The following ST6GAL1 variants were observed in gnomAD, a reference collection of about 807,000 sequenced individuals.
ST6GAL1 encodes the protein beta-galactoside alpha-2,6-sialyltransferase 1.
ST6GAL1 carries 20 observed loss-of-function variants against 38.0 expected under a neutral mutation model. That is an observed-to-expected ratio of 0.53 (90% CI 0.37 to 0.77). The LOEUF (loss-of-function observed/expected upper bound fraction) is 0.77, where lower values mean the gene tolerates loss of function less well. ST6GAL1 is among the 30% of genes least tolerant of loss of function. The pLI is 0.00. For synonymous variants in ST6GAL1, 196 were observed against 188.2 expected (o/e 1.04, Z -0.34); for missense variants, 432 against 496.4 (o/e 0.87, Z 1.23).
intron 2 of ST6GAL1, among the ~76,000 whole-genome samples, chr3:187,037,043 A>G (rs1717955886): frequency 6.6e-6 from 1 of 152,168 alleles, no homozygotes; most frequent in African/African-American, 2.4e-5. Flanking sequence ...TGGAGTATGT[A>G]ATCTTTTGAA....
At chr3:187,021,191 T>C (rs1282698626) in intron 2 of ST6GAL1, among the ~76,000 whole-genome samples, 2 of 152,084 alleles carry the variant, frequency 1.3e-5, no homozygotes, top group Non-Finnish European at 2.9e-5. Flanking sequence ...CTCGATCTCC[T>C]GACCTCGTGA....
rs1716660274 is a variant in ST6GAL1 at position 187,002,675 on chromosome 3, T to C, written c.-182-36067T>C. 3.9e-5 allele frequency among the ~76,000 whole-genome samples: 6 copies of C among 152,340 alleles called. No homozygotes were observed. The South Asian group carries it at 1.2e-3, about 32-fold the overall frequency. On this transcript the variant is annotated intron_variant, in intron 2 of 7. Coordinates refer to ENST00000169298, the MANE Select transcript of ST6GAL1 (RefSeq NM_173216.2). ...GAGGAAAGTTGTGTGATTTGTCTGT[T>C]TCTGTTTCTGGGTAAAATCTCAACT...
At chr3:186,933,611 A>G (rs956125602) in intron 1 of ST6GAL1, among the ~76,000 whole-genome samples, 2 of 152,202 alleles carry the variant, frequency 1.3e-5, no homozygotes, top group South Asian at 4.1e-4. Context: ...CTGACCCTGT[A>G]AGGAACTTCA....
chr3:186,949,449 A>G (rs534871177), intron 1 of ST6GAL1, among the ~76,000 whole-genome samples: 1 of 152,322 alleles, frequency 6.6e-6, no homozygotes, highest in African/African-American at 2.4e-5. Flanking sequence ...GATTCCTGCC[A>G]GAGGGCTTGT....
chr3:186,936,856 C>T (rs1202049493), intron 1 of ST6GAL1, among the ~76,000 whole-genome samples: 1 of 145,944 alleles, frequency 6.9e-6, no homozygotes, highest in African/African-American at 2.5e-5. Context: ...GCAGGAGAAT[C>T]GTTTGAACCC....
chr3:186,940,076 G>C (rs1295733351), intron 1 of ST6GAL1, among the ~76,000 whole-genome samples: 1 of 152,138 alleles, frequency 6.6e-6, no homozygotes, highest in Non-Finnish European at 1.5e-5. Flanking sequence ...AATCCACTGG[G>C]ACACCCATTA....
chr3:186,945,048 G>A (rs1464954287), intron 1 of ST6GAL1, among the ~76,000 whole-genome samples: 2 of 152,228 alleles, frequency 1.3e-5, no homozygotes, highest in African/African-American at 4.8e-5. Context: ...GCCAGGTGAG[G>A]TGGCTCATGC....
chr3:186,956,617 C>T (rs1413929085), intron 1 of ST6GAL1, among the ~76,000 whole-genome samples: 1 of 152,222 alleles, frequency 6.6e-6, no homozygotes, highest in East Asian at 1.9e-4. Flanking sequence ...TCTGCTTTCC[C>T]TAGTCATGAG....
In ST6GAL1 at chr3:187,060,353, G is replaced by A. The variant is rs577561798; in HGVS notation, c.705+9007G>A. 3.3e-5 allele frequency among the ~76,000 whole-genome samples: 5 copies of A among 152,194 alleles called. No homozygotes were observed. In the South Asian group the frequency reaches 6.2e-4, roughly 19 times the overall value. On this transcript the variant is annotated intron_variant, in intron 5 of 7. Coordinates refer to ENST00000169298, the MANE Select transcript of ST6GAL1 (RefSeq NM_173216.2). ...TTTTTGTATTTTTAGCAGAGACGAG[G>A]TTTCACTGTGTTGGCCAGGTTAGTC...
In ST6GAL1 at chr3:187,038,793, A is replaced by C. The variant is rs1330910691; in HGVS notation, c.-131A>C. On this transcript the variant is annotated 5_prime_UTR_variant, in exon 3 of 8. The change abolishes the stop of an existing upstream ORF in the 5' untranslated region. Transcript: ENST00000169298. ...TGGGCCTTGGCCTGCAGACCCAATA[A>C]ACCTTCCCTCCCATGGATAATAGTG... The C allele has an allele frequency of 6.6e-6, 1 of 152,152 alleles. No individual in the cohort carries two copies. The highest frequency in any genetic ancestry group is 2.4e-5 in the African/African-American group (1 of 41,438). The allele number at this position is 152,152 out of a possible 1,614,324, so 9.4% of individuals were successfully genotyped here.
rs1236167894 is a variant in ST6GAL1, at chr3:186,993,601, TTTA to T, written c.-183+29677_-183+29679del. ...ATTTATTTATTTATTTATTTATTTATTTATATGTTTTAGAAAACTAAGAGGCCT... is the reference window on the plus strand; with the variant it reads ...ATTTATTTATTTATTTATTTATTTATTATGTTTTAGAAAACTAAGAGGCCT... On this transcript the variant is annotated intron_variant, in intron 2 of 7. Coordinates refer to ENST00000169298, the MANE Select transcript of ST6GAL1 (RefSeq NM_173216.2). 1.9e-4 allele frequency among the ~76,000 whole-genome samples: 17 copies of T among 89,888 alleles called. No individual in the cohort carries two copies. In the East Asian group the frequency reaches 2.2e-3, roughly 11 times the overall value. The allele number at this position is 89,888 out of a possible 152,430, so 59.0% of individuals were successfully genotyped here.
At chr3:187,046,307 G>A (rs1374220960) in intron 4 of ST6GAL1, among the ~76,000 whole-genome samples, 1 of 152,212 alleles carries the variant, frequency 6.6e-6, no homozygotes, top group African/African-American at 2.4e-5. Flanking sequence ...TCTTACCAAG[G>A]GGAGCATGCT....
intron 2 of ST6GAL1, among the ~76,000 whole-genome samples, chr3:187,018,517 C>T (rs1717192342): frequency 6.6e-6 from 1 of 152,112 alleles, no homozygotes; most frequent in Admixed American, 6.6e-5. Context: ...AACTTGGAGT[C>T]TGATGTTCGA....
chr3:187,030,370 T>C (rs909537664), intron 2 of ST6GAL1, among the ~76,000 whole-genome samples: 1 of 152,194 alleles, frequency 6.6e-6, no homozygotes. Context: ...GTGTTAGAGG[T>C]TCACCATCTG....
At chr3:186,953,627 A>G (rs1392880786) in intron 1 of ST6GAL1, among the ~76,000 whole-genome samples, 1 of 152,116 alleles carries the variant, frequency 6.6e-6, no homozygotes, top group East Asian at 1.9e-4. Flanking sequence ...ACTTGCTTCC[A>G]TGAGGGCAAG....
rs149238736 is a variant in ST6GAL1, at chr3:187,036,575, A to G, written c.-182-2167A>G. 5.3e-3 allele frequency among the ~76,000 whole-genome samples: 800 copies of G among 152,344 alleles called. 12 individuals are homozygous for G. Among genetic ancestry groups the G allele is most frequent in the East Asian group, 0.046 (239 of 5,186 alleles). On this transcript the variant is annotated intron_variant, in intron 2 of 7. Coordinates refer to ENST00000169298, the MANE Select transcript of ST6GAL1 (RefSeq NM_173216.2). ...GTGGAATAGTACACAGCCATGAAAA[A>G]GAACAAAGCCATGCCCTTTGCAGCA...
Position 187,042,679 on chromosome 3 carries a change from T to A in ST6GAL1, c.-25T>A. The A allele has an allele frequency of 6.4e-7, 1 of 1,564,372 alleles. No individual in the cohort carries two copies. Among genetic ancestry groups the A allele is most frequent in the Non-Finnish European group, 8.6e-7 (1 of 1,159,696 alleles). ...GCTTGTTTTCCTGCTCAGAACAAAGTGACTTCCCTGAACACATCTTCATTA... is the reference window on the plus strand; with the variant it reads ...GCTTGTTTTCCTGCTCAGAACAAAGAGACTTCCCTGAACACATCTTCATTA... On this transcript the variant is annotated 5_prime_UTR_variant, in exon 4 of 8. Coordinates refer to ENST00000169298, the MANE Select transcript of ST6GAL1 (RefSeq NM_173216.2).
At position 186,977,340 on chromosome 3, in the gene ST6GAL1, T is replaced by C. The variant is rs117157683; in HGVS notation, c.-183+13414T>C. Among the ~76,000 whole-genome samples, 295 of 152,336 alleles carry C rather than the reference T, an allele frequency of 1.9e-3. 4 individuals are homozygous for C. Among genetic ancestry groups the C allele is most frequent in the East Asian group, 0.01 (53 of 5,180 alleles). On this transcript the variant is annotated intron_variant, in intron 2 of 7. Transcript: ENST00000169298. The stretch of plus-strand genomic sequence containing the variant: ...ATTTAGTTCCACGATTTAGCCCTGA[T>C]AAAGGCGAGCTATTTTGGCTTCCTC...
chr3:187,043,244 T>C lies in ST6GAL1; in HGVS notation c.541T>C (p.Trp181Arg). ...KESIRTKAGP[W>R]GRCAVVSSAG... Reference sequence around the variant, plus strand: ...GAGCATTAGGACCAAGGCTGGGCCTTGGGGCAGGTGTGCTGTTGTGTCGTC... The same window carrying C: ...GAGCATTAGGACCAAGGCTGGGCCTCGGGGCAGGTGTGCTGTTGTGTCGTC... Residue 181 changes from tryptophan to arginine, a missense_variant, in exon 4 of 8, where the codon TGG becomes CGG. Physicochemically the swap from Trp to Arg is moderately radical, Grantham distance 101 (BLOSUM62 -3). Transcript: ENST00000169298. 1 of 1,614,192 alleles carries C rather than the reference T, an allele frequency of 6.2e-7. No homozygotes were observed. The highest frequency in any genetic ancestry group is 8.5e-7 in the Non-Finnish European group (1 of 1,180,020).
Sources: allele counts gnomAD v4.1 joint callset (sites outside exome capture counted in the v4.1 genomes callset), GRCh38; gene constraint gnomAD v4.1.1; transcripts MANE v1.5; gene names NCBI Gene and HGNC (gene_info 2026-07-23, HGNC 2026-07-21).